The following RANBP17 variants were observed in gnomAD, a reference collection of about 807,000 sequenced individuals.
RANBP17 encodes the protein RAN binding protein 17, also known as ran-binding protein 17.
Under a neutral mutation model 141.2 loss-of-function variants are expected in RANBP17, and 158 were observed. That is an observed-to-expected ratio of 1.12 (90% CI 0.98 to 1.28). RANBP17 has a LOEUF of 1.28. Ranked by LOEUF, RANBP17 falls within the 50% of genes most tolerant of loss-of-function variation. The pLI is 0.00. For synonymous variants in RANBP17, 430 were observed against 450.0 expected, an observed-to-expected ratio of 0.96 and a Z score of 0.56; for missense variants, 1,438 against 1,290.7, an observed-to-expected ratio of 1.11 and a Z score of -1.75.
In RANBP17 at chr5:170,919,552, G is replaced by A. The variant is rs1490238793; in HGVS notation, c.1213G>A (p.Ala405Thr). The change falls in exon 11 of 28, where the codon GCA (alanine) becomes ACA (threonine). Residue 405 changes from alanine (A) to threonine (T), a missense_variant. Transcript: ENST00000523189. Reference sequence around the variant, plus strand: ...TGAACCCCACCTATTAGACACTTATGCACCAGAAATCACGAAGGCCTTTAT... The same window carrying A: ...TGAACCCCACCTATTAGACACTTATACACCAGAAATCACGAAGGCCTTTAT... ...STEPHLLDTY[A>T]PEITKAFITS... 3 of 1,611,430 alleles carry A rather than the reference G, an allele frequency of 1.9e-6. No homozygotes were observed. Among genetic ancestry groups the A allele is most frequent in the African/African-American group, 2.7e-5 (2 of 74,762 alleles).
chr5:170,910,279 A>G (rs543653235), intron 6 of RANBP17: 3 of 153,306 alleles, frequency 2.0e-5, no homozygotes, highest in Non-Finnish European at 2.9e-5. Context: ...CTCTTGTATA[A>G]TATAGGGACT....
At chr5:171,247,535 A>G (rs1312501037) in intron 24 of RANBP17, among the ~76,000 whole-genome samples, 1 of 152,244 alleles carries the variant, frequency 6.6e-6, no homozygotes, top group Non-Finnish European at 1.5e-5. Flanking sequence ...TGATAGAGTG[A>G]TGACTTGCCG....
intron 18 of RANBP17, among the ~76,000 whole-genome samples, chr5:171,184,254 G>A (rs909295802): frequency 1.3e-5 from 2 of 152,154 alleles, no homozygotes; most frequent in Non-Finnish European, 2.9e-5. Flanking sequence ...ACAGATGAAT[G>A]GATAAAGAAA....
intron 14 of RANBP17, among the ~76,000 whole-genome samples, chr5:170,974,000 C>G (rs1471517780): frequency 6.6e-6 from 1 of 152,190 alleles, no homozygotes; most frequent in Non-Finnish European, 1.5e-5. Context: ...GTCAGGGACA[C>G]AAACATTCAG....
rs1469747911 is a variant in RANBP17, at chr5:171,250,601, C to T, written c.2776+7781C>T. Among the ~76,000 whole-genome samples the T allele has an allele frequency of 1.4e-4, 22 of 151,952 alleles. 1 individual carries two copies. The highest frequency in any genetic ancestry group is 1.4e-3 in the Admixed American group (22 of 15,248). ...CTATATACTGCTTACAAGAAACTCACCTTGGCAGTAAACACATATAGAGTG... is the reference window on the plus strand; with the variant it reads ...CTATATACTGCTTACAAGAAACTCATCTTGGCAGTAAACACATATAGAGTG... On this transcript the variant is annotated intron_variant, in intron 24 of 27. Transcript: ENST00000523189.
In RANBP17 at chr5:170,994,015, G is replaced by A. The variant is rs145211828; in HGVS notation, c.1710+25638G>A. ...GAGCTCCTACCTTAAACGATCCTTA[G>A]CAGCTATCAAAATTACTTAACCATA... is the stretch of plus-strand genomic sequence containing the variant. On this transcript the variant is annotated intron_variant, in intron 14 of 27. Coordinates refer to ENST00000523189, the MANE Select transcript of RANBP17 (RefSeq NM_022897.5). 3.6e-3 allele frequency among the ~76,000 whole-genome samples: 541 copies of A among 152,114 alleles called. 4 individuals are homozygous for A. The highest frequency in any genetic ancestry group is 0.013 in the African/African-American group (522 of 41,528).
chr5:171,190,683 G>A (rs1761569157), intron 18 of RANBP17, among the ~76,000 whole-genome samples: 1 of 152,216 alleles, frequency 6.6e-6, no homozygotes, highest in South Asian at 2.1e-4. Context: ...ACCCTCCAGG[G>A]AGCTATTCAG....
intron 13 of RANBP17, among the ~76,000 whole-genome samples, chr5:170,956,432 A>T (rs953646377): frequency 2.0e-5 from 3 of 152,094 alleles, no homozygotes; most frequent in Non-Finnish European, 2.9e-5. Flanking sequence ...TTCATGGACC[A>T]TGAATATTTT....
chr5:171,281,881 C>T (rs866737685), intron 25 of RANBP17, among the ~76,000 whole-genome samples: 49 of 152,306 alleles, frequency 3.2e-4, no homozygotes, highest in African/African-American at 1.2e-3. Flanking sequence ...AGAAGTTCCA[C>T]GCTAGGCCAT....
chr5:171,070,346 A>C (rs1784562478), intron 14 of RANBP17, among the ~76,000 whole-genome samples: 1 of 152,156 alleles, frequency 6.6e-6, no homozygotes. Flanking sequence ...TTCCTCAAAG[A>C]AAGTTTTAGC....
chr5:171,293,753 C>G, intron 25 of RANBP17, 130 bp from the exon 26 acceptor site: 2 of 714,244 alleles, frequency 2.8e-6, no homozygotes, highest in Non-Finnish European at 5.0e-6. Flanking sequence ...GAGTCTAGTC[C>G]GTTTGTCCAG....
chr5:171,276,525 T>C (rs145587631), intron 25 of RANBP17, among the ~76,000 whole-genome samples: 75 of 152,290 alleles, frequency 4.9e-4, no homozygotes, highest in Admixed American at 1.4e-3. Flanking sequence ...TGTGAAGTCA[T>C]TGGGTGCCAG....
At chr5:170,918,663 G>GTC in intron 9 of RANBP17, 50 bp from the exon 10 acceptor site, 1 of 1,483,088 alleles carries the variant, frequency 6.7e-7, no homozygotes, top group Non-Finnish European at 9.0e-7. Context: ...TGATTTTATT[G>GTC]TCCATAGGTT....
intron 14 of RANBP17, among the ~76,000 whole-genome samples, chr5:171,013,512 G>A (rs1197575614): frequency 6.6e-6 from 1 of 152,052 alleles, no homozygotes; most frequent in Non-Finnish European, 1.5e-5. Context: ...AGCACTATTA[G>A]TTGAAAAGGC....
chr5:170,916,715 A>C, intron 9 of RANBP17, 131 bp downstream of exon 9: 1 of 435,182 alleles, frequency 2.3e-6, no homozygotes, highest in Non-Finnish European at 3.7e-6. Context: ...TCTTCCTTAG[A>C]GCTTTTTTTT....
intron 20 of RANBP17, chr5:171,205,975 A>C (rs1762555047): frequency 2.7e-6 from 1 of 369,058 alleles, no homozygotes; most frequent in South Asian, 2.1e-5. Context: ...CTCAATTAGC[A>C]AGGCTGGGAA....
chr5:171,220,901 T>G (rs887795547), intron 21 of RANBP17, among the ~76,000 whole-genome samples: 11 of 152,242 alleles, frequency 7.2e-5, no homozygotes, highest in African/African-American at 2.7e-4. Flanking sequence ...GCAATCATGT[T>G]CATAATAATA....
intron 14 of RANBP17, among the ~76,000 whole-genome samples, chr5:171,109,083 A>G (rs1247147897): frequency 6.6e-6 from 1 of 152,212 alleles, no homozygotes; most frequent in Non-Finnish European, 1.5e-5. Context: ...CCATGTGATA[A>G]TGCATGGCTG....
intron 14 of RANBP17, among the ~76,000 whole-genome samples, chr5:171,054,038 G>A (rs1184293394): frequency 1.3e-5 from 2 of 151,168 alleles, no homozygotes; most frequent in East Asian, 1.9e-4. Flanking sequence ...TAAAATCTAT[G>A]TATTCTGATA....
Sources: gnomAD v4.1 joint callset for allele counts (sites outside exome capture counted in the v4.1 genomes callset) on GRCh38, gnomAD v4.1.1 for gene constraint, MANE v1.5 for transcripts, NCBI Gene and HGNC (gene_info 2026-07-23, HGNC 2026-07-21) for gene names.